SLFN12L: variants seen among roughly 807,000 people sequenced by gnomAD.
The protein encoded by SLFN12L is schlafen family member 12 like, also known as schlafen family member 12-like.
Under a neutral mutation model 34.8 loss-of-function variants are expected in SLFN12L, and 34 were observed. The ratio of observed to expected loss-of-function variants is 0.98; its 90% confidence interval spans 0.74 to 1.30. SLFN12L has a LOEUF of 1.30. Ranked by LOEUF, SLFN12L falls within the 50% of genes most tolerant of loss-of-function variation. The probability of loss-of-function intolerance (pLI) is 0.00; values close to 1 mark genes in which losing one functional copy is unlikely to be tolerated. For synonymous variants in SLFN12L, 259 were observed against 247.5 expected (o/e 1.05, Z -0.44); for missense variants, 703 against 696.2 (o/e 1.01, Z -0.11).
Position 35,475,423 on chromosome 17 carries a change from C to T in SLFN12L, c.1339G>A (p.Glu447Lys), listed in dbSNP as rs1432046520. The change falls in exon 5 of 5, where the codon GAA becomes AAA. Residue 447 changes from glutamate to lysine, a missense_variant. By Grantham distance (56) the Glu-to-Lys change is moderately conservative. Coordinates refer to ENST00000628453, the MANE Select transcript of SLFN12L (RefSeq NM_001363830.2). ...TFCRNLFSQHEGLKQLICEEM... is the reference protein window; with the variant it reads ...TFCRNLFSQHKGLKQLICEEM... Reference sequence around the variant, plus strand: ...TCACATATTAATTGCTTAAGTCCTTCATGTTGTGAGAACAGATTTCTGCAG... The same window carrying T: ...TCACATATTAATTGCTTAAGTCCTTTATGTTGTGAGAACAGATTTCTGCAG... 2.5e-6 allele frequency: 4 copies of T among 1,613,904 alleles called. No homozygotes were observed. The South Asian group carries it at 3.3e-5, about 13-fold the overall frequency.
chr17:35,528,152 A>G (rs958374052), intron 1 of SLFN12L, among the ~76,000 whole-genome samples: 3 of 152,244 alleles, frequency 2.0e-5, no homozygotes, highest in Non-Finnish European at 4.4e-5. Flanking sequence ...AGGGATGTGA[A>G]GGACCTCTTC....
intron 4 of SLFN12L, among the ~76,000 whole-genome samples, chr17:35,477,407 A>G (rs1173996505): frequency 6.6e-6 from 1 of 152,196 alleles, no homozygotes; most frequent in East Asian, 1.9e-4. Context: ...CTAAACCACA[A>G]AATTTTTAAA....
At chr17:35,529,740 T>C (rs1332561278) in intron 1 of SLFN12L, among the ~76,000 whole-genome samples, 2 of 152,016 alleles carry the variant, frequency 1.3e-5, no homozygotes, top group African/African-American at 4.8e-5. Context: ...AAATACCTAA[T>C]GTGGGTGACG....
At chr17:35,498,379 C>T in intron 2 of SLFN12L, 1 of 1,129,674 alleles carries the variant, frequency 8.9e-7, no homozygotes, top group East Asian at 2.3e-5. Context: ...TCTCATTGTG[C>T]CGACATAGTG....
intron 1 of SLFN12L, among the ~76,000 whole-genome samples, chr17:35,535,935 C>G (rs1457587484): frequency 1.3e-5 from 2 of 152,024 alleles, no homozygotes; most frequent in South Asian, 4.2e-4. Flanking sequence ...GGATTACAGG[C>G]GTGAGCCACC....
In SLFN12L at chr17:35,480,183, C is replaced by A; in HGVS notation, c.99G>T (p.Leu33=). 6.3e-7 allele frequency: 1 copy of A among 1,582,790 alleles called. No individual in the cohort carries two copies. The highest frequency in any genetic ancestry group is 8.6e-7 in the Non-Finnish European group (1 of 1,165,538). The stretch of plus-strand genomic sequence containing the variant: ...TCCCAGCAGCTAAGCCATTTCCACG[C>A]AGAAATTCTTTTCTGTAAAATAGAG... ...FLRNFIRKEF[L]RGNGLAAGKM... is the part of the protein sequence containing the mutation. Residue 33 remains leucine (L), a synonymous_variant, in exon 3 of 5, where the codon CTG becomes CTT. Transcript: ENST00000628453.
chr17:35,480,897 A>G (rs2142130962), intron 2 of SLFN12L, among the ~76,000 whole-genome samples: 1 of 152,236 alleles, frequency 6.6e-6, no homozygotes, highest in Non-Finnish European at 1.5e-5. Context: ...GAAAATATAT[A>G]GAATAAGAAT....
rs920995458 is a variant in SLFN12L, at chr17:35,472,859, T to C, written c.*2064A>G. Among the ~76,000 whole-genome samples, 1 of 152,216 alleles carries C rather than the reference T, an allele frequency of 6.6e-6. No homozygotes were observed. The highest frequency in any genetic ancestry group is 1.9e-4 in the East Asian group (1 of 5,208). ...TGGTTTGTAGTTCTCCTTGAAGAGG[T>C]CCTTCACATCCCTTGTTAGCTGTAT... is the stretch of plus-strand genomic sequence containing the variant. On this transcript the variant is annotated 3_prime_UTR_variant, in exon 5 of 5. Coordinates refer to ENST00000628453, the MANE Select transcript of SLFN12L (RefSeq NM_001363830.2).
Position 35,471,674 on chromosome 17 carries a change from A to T in SLFN12L, c.*3249T>A, listed in dbSNP as rs1913811276. ...TCTTTCTTTTAATAAAAGATTATTT[A>T]AAAGTTTTAAATATTCTTTTAATAA... is the stretch of plus-strand genomic sequence containing the variant. On this transcript the variant is annotated 3_prime_UTR_variant, in exon 5 of 5. Coordinates refer to ENST00000628453, the MANE Select transcript of SLFN12L (RefSeq NM_001363830.2). Among the ~76,000 whole-genome samples, 1 of 22,110 alleles carries T rather than the reference A, an allele frequency of 4.5e-5. No individual in the cohort carries two copies. Among genetic ancestry groups the T allele is most frequent in the South Asian group, 2.4e-3 (1 of 416 alleles). 14.5% of individuals were successfully genotyped at this position (22,110 alleles called of 152,430 possible). A position where few individuals can be genotyped will look rare whatever the true frequency, so the allele number is the denominator to read the frequency against.
At chr17:35,514,578 C>T (rs912601630) in intron 2 of SLFN12L, among the ~76,000 whole-genome samples, 1 of 152,138 alleles carries the variant, frequency 6.6e-6, no homozygotes, top group African/African-American at 2.4e-5. Context: ...GAAAAGATCT[C>T]TATCAAAATA....
Position 35,467,307 on chromosome 17 carries a change from C to A in SLFN12L, c.*7616G>T, listed in dbSNP as rs748849139. ...AACAAATGGCCCCATCTCCATATTCCTTTTGAACAATTGAGCCATTGCCTA... is the reference window on the plus strand; with the variant it reads ...AACAAATGGCCCCATCTCCATATTCATTTTGAACAATTGAGCCATTGCCTA... On this transcript the variant is annotated 3_prime_UTR_variant, in exon 5 of 5. Transcript: ENST00000628453. Among the ~76,000 whole-genome samples the A allele has an allele frequency of 3.3e-5, 5 of 152,198 alleles. No individual in the cohort carries two copies. The highest frequency in any genetic ancestry group is 7.3e-5 in the Non-Finnish European group (5 of 68,044).
chr17:35,515,659 T>TTTTTTG (rs1915801400), intron 2 of SLFN12L, among the ~76,000 whole-genome samples: 2 of 81,968 alleles, frequency 2.4e-5, no homozygotes, highest in African/African-American at 8.2e-5. Context: ...TTTTTTTTTT[T>TTTTTTG]GAGATGGAGT....
rs999070139 is a variant in SLFN12L at position 35,465,994 on chromosome 17, C to T, written c.*8929G>A. ...CTTACAGACAAGATCTTTTTTAATACTTAATTTTTCTAGAGCAGATTCACA... is the reference window on the plus strand; with the variant it reads ...CTTACAGACAAGATCTTTTTTAATATTTAATTTTTCTAGAGCAGATTCACA... On this transcript the variant is annotated 3_prime_UTR_variant, in exon 5 of 5. Transcript: ENST00000628453. 1.3e-5 allele frequency among the ~76,000 whole-genome samples: 2 copies of T among 151,806 alleles called. No homozygotes were observed.
Position 35,498,947 on chromosome 17 carries a change from G to A in SLFN12L, c.87-18752C>T. The A allele has an allele frequency of 1.5e-5, 11 of 719,516 alleles. No individual in the cohort carries two copies. The Middle Eastern group carries it at 2.8e-3, about 183-fold the overall frequency. The allele number at this position is 719,516 out of a possible 1,614,324, so 44.6% of individuals were successfully genotyped here. ...ATGCTGCCCTGGAGGTCTTACAGGAGCGCATTAAGCAAGTCAAGGATGGGT... is the reference window on the plus strand; with the variant it reads ...ATGCTGCCCTGGAGGTCTTACAGGAACGCATTAAGCAAGTCAAGGATGGGT... On this transcript the variant is annotated intron_variant, in intron 2 of 4. Transcript: ENST00000628453.
chr17:35,480,204 T>C lies in SLFN12L; in HGVS notation c.87-9A>G, dbSNP rs749324348. On this transcript the variant is annotated splice_polypyrimidine_tract_variant and intron_variant, in intron 2 of 4. Transcript: ENST00000628453. ...CACGCAGAAATTCTTTTCTGTAAAATAGAGCCGTTAGAATAGGAGTTAAGC... is the reference window on the plus strand; with the variant it reads ...CACGCAGAAATTCTTTTCTGTAAAACAGAGCCGTTAGAATAGGAGTTAAGC... 2.6e-6 allele frequency: 4 copies of C among 1,545,888 alleles called. No homozygotes were observed. Among genetic ancestry groups the C allele is most frequent in the Non-Finnish European group, 3.5e-6 (4 of 1,148,064 alleles).
chr17:35,532,965 GACAC>G (rs1237340872), intron 1 of SLFN12L, among the ~76,000 whole-genome samples: 1 of 152,040 alleles, frequency 6.6e-6, no homozygotes, highest in East Asian at 1.9e-4. Flanking sequence ...TATATTGTTT[GACAC>G]ACAAAAAATG....
At chr17:35,481,060 C>A (rs2142131106) in intron 2 of SLFN12L, among the ~76,000 whole-genome samples, 1 of 152,330 alleles carries the variant, frequency 6.6e-6, no homozygotes, top group Middle Eastern at 3.4e-3. Flanking sequence ...GCTGAAGGGA[C>A]ATGATGAAAA....
chr17:35,485,597 A>G (rs1254050327), intron 2 of SLFN12L, among the ~76,000 whole-genome samples: 3 of 152,226 alleles, frequency 2.0e-5, no homozygotes, highest in Admixed American at 2.0e-4. Flanking sequence ...GCCCAGGGCA[A>G]TGTCTAGAAG....
chr17:35,494,727 G>A lies in SLFN12L; in HGVS notation c.87-14532C>T, dbSNP rs1344802656. 3.3e-5 allele frequency among the ~76,000 whole-genome samples: 5 copies of A among 152,154 alleles called. No individual in the cohort carries two copies. In the East Asian group the frequency reaches 9.6e-4, roughly 29 times the overall value. The stretch of plus-strand genomic sequence containing the variant: ...CAGGAAGGGAGCAAGCTGGAGCAGG[G>A]GAGGGAGGGGCTTCTGTGGTGGGAG... On this transcript the variant is annotated intron_variant, in intron 2 of 4. Coordinates refer to ENST00000628453, the MANE Select transcript of SLFN12L (RefSeq NM_001363830.2).
Sources: gnomAD v4.1 joint callset for allele counts (sites outside exome capture counted in the v4.1 genomes callset) on GRCh38, gnomAD v4.1.1 for gene constraint, MANE v1.5 for transcripts, NCBI Gene and HGNC (gene_info 2026-07-23, HGNC 2026-07-21) for gene names.